Variants in ZFHX3 observed in about 807,000 individuals in gnomAD.
The protein encoded by ZFHX3 is zinc finger homeobox 3.
Under a neutral mutation model 279.1 loss-of-function variants are expected in ZFHX3, and 42 were observed. The observed-to-expected ratio is 0.15, with a 90% CI of 0.12 to 0.19. The LOEUF (loss-of-function observed/expected upper bound fraction) is 0.19, where lower values mean the gene tolerates loss of function less well. Ranked by LOEUF, ZFHX3 falls within the 10% of genes least tolerant of loss-of-function variation. The pLI is 1.00. For missense variants in ZFHX3, 4,981 were observed against 4,754.0 expected (o/e 1.05, Z -1.40); for synonymous variants, 2,293 against 1,957.8 (o/e 1.17, Z -4.52).
At chr16:73,131,517 T>A (rs1657786513) in intron 6 of ZFHX3, among the ~76,000 whole-genome samples, 1 of 152,228 alleles carries the variant, frequency 6.6e-6, no homozygotes. Flanking sequence ...GACAGGGTAC[T>A]TTTAAGAGGG....
At chr16:73,013,059 G>A (rs78151887) in intron 1 of ZFHX3, among the ~76,000 whole-genome samples, 185 of 152,274 alleles carry the variant, frequency 1.2e-3, no homozygotes, top group African/African-American at 3.9e-3. Flanking sequence ...TCATCTGGGC[G>A]CTCAGGAGGT....
intron 3 of ZFHX3, among the ~76,000 whole-genome samples, chr16:73,444,439 G>GT (rs1193165721): frequency 2.0e-5 from 3 of 152,228 alleles, no homozygotes; most frequent in East Asian, 1.9e-4. Context: ...AATCTTTTAA[G>GT]TTTTTTTCCC....
At chr16:73,178,030 G>A (rs1967704799) in intron 5 of ZFHX3, among the ~76,000 whole-genome samples, 1 of 152,076 alleles carries the variant, frequency 6.6e-6, no homozygotes, top group Non-Finnish European at 1.5e-5. Flanking sequence ...TCCTTACTCT[G>A]AGCTGAGATC....
intron 1 of ZFHX3, among the ~76,000 whole-genome samples, chr16:73,731,070 C>A (rs765609006): frequency 6.6e-6 from 1 of 152,162 alleles, no homozygotes; most frequent in Admixed American, 6.5e-5. Flanking sequence ...GGTTTCTTTG[C>A]TAGATTAAAC....
chr16:73,648,242 T>A (rs1389745646), intron 2 of ZFHX3, among the ~76,000 whole-genome samples: 1 of 152,198 alleles, frequency 6.6e-6, no homozygotes, highest in Non-Finnish European at 1.5e-5. Flanking sequence ...CTAGAAATAA[T>A]CTAAATTACT....
At chr16:73,323,230 C>G (rs902928195) in intron 3 of ZFHX3, among the ~76,000 whole-genome samples, 3 of 152,042 alleles carry the variant, frequency 2.0e-5, no homozygotes, top group Admixed American at 1.3e-4. Flanking sequence ...AGAAGGCATC[C>G]TTGGTAGGGG....
At chr16:73,075,268 C>T (rs978777281) in intron 8 of ZFHX3, among the ~76,000 whole-genome samples, 1 of 150,370 alleles carries the variant, frequency 6.7e-6, no homozygotes, top group Non-Finnish European at 1.5e-5. Context: ...GAGCCATGAT[C>T]ACACCACTGC....
chr16:73,471,512 G>A lies in ZFHX3; in HGVS notation c.-1546-15254C>T, dbSNP rs570360574. 2.8e-4 allele frequency among the ~76,000 whole-genome samples: 43 copies of A among 152,154 alleles called. No individual in the cohort carries two copies. The South Asian group carries it at 4.0e-3, about 14-fold the overall frequency. The stretch of plus-strand genomic sequence containing the variant: ...CAACCTCCACCTCCCAGGTTCAAGT[G>A]ATTCTCCTGCCTCAGCCTCCCAAGT... On this transcript the variant is annotated intron_variant, in intron 2 of 17. Coordinates refer to the ZFHX3 transcript ENST00000641206.
rs566368220 is a variant in ZFHX3 at position 73,272,706 on chromosome 16, A to G, written c.-1193-15570T>C. 2.0e-5 allele frequency among the ~76,000 whole-genome samples: 3 copies of G among 152,324 alleles called. No individual in the cohort carries two copies. The East Asian group carries it at 5.8e-4, about 29-fold the overall frequency. On this transcript the variant is annotated intron_variant, in intron 4 of 17. Coordinates refer to the ZFHX3 transcript ENST00000641206. The stretch of plus-strand genomic sequence containing the variant: ...TTTCAACAGAAATATCAATATTGTA[A>G]AAATATTCAATCAATATCAACATTT...
intron 1 of ZFHX3, among the ~76,000 whole-genome samples, chr16:72,974,719 T>G (rs1420291969): frequency 6.6e-6 from 1 of 152,138 alleles, no homozygotes; most frequent in African/African-American, 2.4e-5. Context: ...TAATGGCCAC[T>G]GTAAGGTAGA....
chr16:72,907,348 T>A (rs2039202444), intron 3 of ZFHX3, among the ~76,000 whole-genome samples: 1 of 152,132 alleles, frequency 6.6e-6, no homozygotes, highest in South Asian at 2.1e-4. Flanking sequence ...TCTACATTCC[T>A]GCTGCTTCTT....
rs185539727 is a variant in ZFHX3, at chr16:73,205,533, C to T, written c.-1104+51514G>A. ...GCACAGAAAAAAGAATCCTCAATAA[C>T]GAGATCCAGAGATTAAATTAATTTA... On this transcript the variant is annotated intron_variant, in intron 5 of 17. Transcript: ENST00000641206. Among the ~76,000 whole-genome samples, 15 of 152,234 alleles carry T rather than the reference C, an allele frequency of 9.9e-5. No individual in the cohort carries two copies. The East Asian group carries it at 2.5e-3, about 25-fold the overall frequency.
Position 72,981,126 on chromosome 16 carries a change from G to GA in ZFHX3, c.-49-20933_-49-20932insT, listed in dbSNP as rs1011043106. On this transcript the variant is annotated intron_variant, in intron 1 of 9. Coordinates refer to ENST00000268489, the MANE Select transcript of ZFHX3 (RefSeq NM_006885.4). ...CCGAAGGGCTTTCCTCCCAGGCCGG[G>GA]CCCCAGCTATCTCTAAAGCTCCTTT... Among the ~76,000 whole-genome samples, 24 of 152,042 alleles carry GA rather than the reference G, an allele frequency of 1.6e-4. 1 individual carries two copies.
At chr16:73,337,094 T>A (rs2143245712) in intron 3 of ZFHX3, among the ~76,000 whole-genome samples, 1 of 152,272 alleles carries the variant, frequency 6.6e-6, no homozygotes, top group East Asian at 1.9e-4. Flanking sequence ...TTAGACTCAA[T>A]ATCATCATAT....
At chr16:73,202,800 C>T (rs1192183095) in intron 5 of ZFHX3, among the ~76,000 whole-genome samples, 2 of 152,050 alleles carry the variant, frequency 1.3e-5, no homozygotes, top group African/African-American at 4.8e-5. Flanking sequence ...TCCTCCACCC[C>T]CATCAAAGTC....
chr16:73,744,337 A>C (rs145622312), intron 1 of ZFHX3, among the ~76,000 whole-genome samples: 18 of 152,342 alleles, frequency 1.2e-4, no homozygotes, highest in African/African-American at 4.3e-4. Context: ...GACACCATTT[A>C]ATCGGAACAA....
chr16:73,392,418 C>CAAAAAAAA lies in ZFHX3; in HGVS notation c.-1291+63577_-1291+63584dup, dbSNP rs35019692. Among the ~76,000 whole-genome samples the CAAAAAAAA allele has an allele frequency of 7.4e-3, 265 of 35,750 alleles. 16 individuals carry two copies. The highest frequency in any genetic ancestry group is 0.016 in the African/African-American group (137 of 8,476). 23.5% of individuals were successfully genotyped at this position (35,750 alleles called of 152,430 possible). ...TGGGTGACAGAATGAGACCCTGTCT[C>CAAAAAAAA]AAAAAAAAAAAAAAAAAAAAAAAAA... On this transcript the variant is annotated intron_variant, in intron 3 of 17. Coordinates refer to the ZFHX3 transcript ENST00000641206.
intron 1 of ZFHX3, among the ~76,000 whole-genome samples, chr16:72,970,104 T>C (rs889161160): frequency 6.6e-6 from 1 of 152,046 alleles, no homozygotes; most frequent in Non-Finnish European, 1.5e-5. Flanking sequence ...ACAACCACCA[T>C]GATATTCTGG....
intron 1 of ZFHX3, among the ~76,000 whole-genome samples, chr16:73,877,221 C>T (rs1236801763): frequency 6.6e-6 from 1 of 150,972 alleles, no homozygotes. Flanking sequence ...GTCCCAGGCA[C>T]TTGCTTCCTT....
Sources: allele counts gnomAD v4.1 joint callset (sites outside exome capture counted in the v4.1 genomes callset), GRCh38; gene constraint gnomAD v4.1.1; transcripts MANE v1.5; gene names NCBI Gene and HGNC (gene_info 2026-07-23, HGNC 2026-07-21).